The following ALG12 variants were observed in gnomAD, a reference collection of about 807,000 sequenced individuals.
The protein encoded by ALG12 is ALG12 alpha-1,6-mannosyltransferase.
Under a neutral mutation model 46.0 loss-of-function variants are expected in ALG12, and 36 were observed. The observed-to-expected ratio is 0.78, with a 90% CI of 0.60 to 1.03. The LOEUF is 1.03. Among genes scored for constraint, ALG12 ranks in the 50% least tolerant of loss-of-function variants. The pLI, the probability that ALG12 is intolerant of heterozygous loss-of-function variation, is 0.00. For missense variants in ALG12, 599 were observed against 633.5 expected, an observed-to-expected ratio of 0.95 and a Z score of 0.58; for synonymous variants, 326 against 291.6, an observed-to-expected ratio of 1.12 and a Z score of -1.20.
chr22:49,891,534 G>C, the ALG12 span, among the ~76,000 whole-genome samples: 1 of 152,136 alleles, frequency 6.6e-6, no homozygotes, highest in Non-Finnish European at 1.5e-5. Context: ...TTAAAACGAG[G>C]TATCTATGTG....
chr22:49,895,100 C>T, the ALG12 span, among the ~76,000 whole-genome samples: 2 of 152,152 alleles, frequency 1.3e-5, no homozygotes, highest in Non-Finnish European at 2.9e-5. Flanking sequence ...GTACACATTG[C>T]TTTACAGCCC....
the ALG12 span, among the ~76,000 whole-genome samples, chr22:49,869,121 CAAA>C: frequency 1.1e-4 from 10 of 93,362 alleles, no homozygotes; most frequent in Admixed American, 2.4e-4. Context: ...AAAACTGTCT[CAAA>C]AAAAAAAAAA....
rs2060551069 is a variant in ALG12 at position 49,907,766 on chromosome 22, G to A, written c.947C>T (p.Ala316Val). 1 of 1,614,162 alleles carries A rather than the reference G, an allele frequency of 6.2e-7. No individual in the cohort carries two copies. Among genetic ancestry groups the A allele is most frequent in the African/African-American group, 1.3e-5 (1 of 75,056 alleles). Residue 316 changes from alanine to valine, a missense_variant, in exon 7 of 10, where the codon GCC becomes GTC. Ala to Val is a moderately conservative substitution (Grantham distance 64, BLOSUM62 0). Coordinates refer to ENST00000330817, the MANE Select transcript of ALG12 (RefSeq NM_024105.4). ...AGCCGTGATGTTGAGCATGGGGAAG[G>A]CATAGATGATGAAGCGTAGCTCCTT... ...PHKELRFIIY[A>V]FPMLNITAAR... is the part of the protein sequence containing the mutation.
At chr22:49,862,372 GGGACTACGGGCGTAAGC>G in the ALG12 span, among the ~76,000 whole-genome samples, 1 of 152,246 alleles carries the variant, frequency 6.6e-6, no homozygotes. Context: ...GCAAGTAGCT[GGGACTACGGGCGTAAGC>G]CACTGCGCCC....
the ALG12 span, among the ~76,000 whole-genome samples, chr22:49,862,762 C>T: frequency 2.4e-5 from 3 of 123,734 alleles, no homozygotes; most frequent in African/African-American, 3.2e-5. Flanking sequence ...AGTGCAGTGT[C>T]GTGATCTCGG....
the ALG12 span, among the ~76,000 whole-genome samples, chr22:49,870,720 G>A: frequency 7.9e-5 from 12 of 151,986 alleles, no homozygotes; most frequent in African/African-American, 2.7e-4. Context: ...TCAGACCTTT[G>A]TCAGATGCAT....
chr22:49,893,039 A>G, the ALG12 span, among the ~76,000 whole-genome samples: 1 of 152,222 alleles, frequency 6.6e-6, no homozygotes, highest in Admixed American at 6.5e-5. Flanking sequence ...GAAAAACACA[A>G]CGATGAATGA....
chr22:49,890,897 TC>T, the ALG12 span, among the ~76,000 whole-genome samples: 3 of 152,064 alleles, frequency 2.0e-5, no homozygotes, highest in African/African-American at 7.2e-5. Flanking sequence ...GGCAGGCACC[TC>T]TAGTCCCAGC....
intron 1 of ALG12, among the ~76,000 whole-genome samples, chr22:49,915,935 G>A (rs559962283): frequency 6.6e-6 from 1 of 152,212 alleles, no homozygotes; most frequent in East Asian, 1.9e-4. Flanking sequence ...TCCTACATGG[G>A]GTTCTCATCA....
chr22:49,895,941 T>C (rs922330794), downstream of ALG12, among the ~76,000 whole-genome samples: 2 of 152,188 alleles, frequency 1.3e-5, no homozygotes, highest in Non-Finnish European at 2.9e-5. Context: ...TTGGTTGAGT[T>C]CTGGGAAGGG....
chr22:49,907,600 G>A, intron 7 of ALG12, 121 bp downstream of exon 7: 2 of 1,147,042 alleles, frequency 1.7e-6, no homozygotes, highest in Non-Finnish European at 2.5e-6. Context: ...CACTCCAGCT[G>A]GGCGACAGAG....
the ALG12 span, chr22:49,887,341 TCTC>T: frequency 3.1e-6 from 2 of 641,692 alleles, no homozygotes; most frequent in East Asian, 5.7e-5. Context: ...CCTTACCCCT[TCTC>T]CTTCAGGCCA....
rs1044296281 is a variant in ALG12, at chr22:49,913,482, C to G, written c.198G>C (p.Arg66Ser). The G allele has an allele frequency of 6.2e-7, 1 of 1,613,858 alleles. No individual in the cohort carries two copies. Among genetic ancestry groups the G allele is most frequent in the African/African-American group, 1.3e-5 (1 of 74,944 alleles). The stretch of plus-strand genomic sequence containing the variant: ...CGATCACCACTGGCCCGAGGAACGT[C>G]CTGGGGACGACTCCGGGGAACTCAA... Reference protein sequence around the residue: ...DHLEFPGVVPRTFLGPVVIAV... With the variant: ...DHLEFPGVVPSTFLGPVVIAV... The change falls in exon 3 of 10, where the codon AGG becomes AGC. Residue 66 changes from arginine to serine, a missense_variant. Arg to Ser is a moderately radical substitution (Grantham distance 110, BLOSUM62 -1). Transcript: ENST00000330817.
the ALG12 span, among the ~76,000 whole-genome samples, chr22:49,861,601 T>G: frequency 2.0e-5 from 3 of 152,118 alleles, no homozygotes; most frequent in Admixed American, 6.5e-5. Flanking sequence ...GCCAGCTGAT[T>G]TTTTTCAAAT....
chr22:49,877,297 ATTTATTTATTTT>A, the ALG12 span, among the ~76,000 whole-genome samples: 1 of 57,808 alleles, frequency 1.7e-5, no homozygotes, highest in Non-Finnish European at 4.1e-5. Context: ...TTATTTATTT[ATTTATTTATTTT>A]GAGATGGAGT....
chr22:49,908,331 C>A (rs1430312518), intron 6 of ALG12, among the ~76,000 whole-genome samples: 1 of 128,722 alleles, frequency 7.8e-6, no homozygotes, highest in Admixed American at 7.8e-5. Context: ...AGATCGAGAC[C>A]ATCCTGGCCA....
chr22:49,913,733 G>A lies in ALG12; in HGVS notation c.33C>T (p.Pro11=), dbSNP rs781720001. The A allele has an allele frequency of 3.1e-6, 5 of 1,613,778 alleles. No homozygotes were observed. Among genetic ancestry groups the A allele is most frequent in the Middle Eastern group, 1.7e-4 (1 of 6,048 alleles). The part of the protein sequence containing the change: MAGKGSSGRR[P]LLLGLLVAVA... ...CGGCCACCAGCAGCCCCAGCAGCAG[G>A]GGCCGCCTGCCTGATGACCCCTTTC... The change falls in exon 2 of 10, where the codon CCC becomes CCT. Residue 11 remains proline (P), a synonymous_variant. Coordinates refer to ENST00000330817, the MANE Select transcript of ALG12 (RefSeq NM_024105.4).
intron 1 of ALG12, among the ~76,000 whole-genome samples, chr22:49,917,703 T>C (rs1031722032): frequency 7.0e-6 from 1 of 142,620 alleles, no homozygotes; most frequent in Non-Finnish European, 1.5e-5. Context: ...AATCAGATGT[T>C]ACTTTTTTTT....
chr22:49,908,251 C>T (rs138658289), intron 6 of ALG12, among the ~76,000 whole-genome samples: 26 of 152,240 alleles, frequency 1.7e-4, no homozygotes, highest in African/African-American at 5.1e-4. Flanking sequence ...GATGGTCGGC[C>T]GGGCGCAGTG....
Sources: gnomAD v4.1 joint callset for allele counts (sites outside exome capture counted in the v4.1 genomes callset) on GRCh38, gnomAD v4.1.1 for gene constraint, MANE v1.5 for transcripts, NCBI Gene and HGNC (gene_info 2026-07-23, HGNC 2026-07-21) for gene names.